MAGI2: variants seen among roughly 807,000 people sequenced by gnomAD.
MAGI2 encodes the protein membrane-associated guanylate kinase, WW and PDZ domain-containing protein 2.
In MAGI2, 35 loss-of-function variants were observed where a neutral mutation model predicts 133.3. The ratio of observed to expected loss-of-function variants is 0.26; its 90% CI spans 0.20 to 0.35. MAGI2 has a LOEUF of 0.35. Among genes scored for constraint, MAGI2 ranks in the 10% least tolerant of loss-of-function variants. The pLI is 1.00. For missense variants in MAGI2, 1,636 were observed against 1,863.4 expected (o/e 0.88, Z 2.25); for synonymous variants, 729 against 710.6 (o/e 1.03, Z -0.41).
At chr7:78,061,508 G>A (rs866927261) in intron 21 of MAGI2, among the ~76,000 whole-genome samples, 1 of 151,886 alleles carries the variant, frequency 6.6e-6, no homozygotes, top group South Asian at 2.1e-4. Context: ...AGGGTTGATG[G>A]CCCCTTAATT....
chr7:78,276,035 G>A (rs1562732944), intron 9 of MAGI2, among the ~76,000 whole-genome samples: 1 of 152,270 alleles, frequency 6.6e-6, no homozygotes, highest in East Asian at 1.9e-4. Context: ...TCAGGAAACT[G>A]ACAGAGAAAG....
intron 3 of MAGI2, among the ~76,000 whole-genome samples, chr7:78,565,503 T>C (rs1800856698): frequency 6.6e-6 from 1 of 151,666 alleles, no homozygotes. Context: ...AGAATTAATA[T>C]ATGTAAGATG....
rs1426073148 is a variant in MAGI2 at position 78,931,393 on chromosome 7, T to C, written c.418+75697A>G. Among the ~76,000 whole-genome samples, 4 of 152,104 alleles carry C rather than the reference T, an allele frequency of 2.6e-5. No individual in the cohort carries two copies. In the East Asian group the frequency reaches 7.7e-4, roughly 29 times the overall value. ...GGTTCCTTGCTCTCTTGAAGTTAGG[T>C]GTACTTCTTGGCAAAAGCATTTGAG... On this transcript the variant is annotated intron_variant, in intron 2 of 21. Transcript: ENST00000354212.
At chr7:79,254,438 A>G (rs1432673787) in intron 1 of MAGI2, among the ~76,000 whole-genome samples, 1 of 152,168 alleles carries the variant, frequency 6.6e-6, no homozygotes, top group Non-Finnish European at 1.5e-5. Context: ...AGGCCATCTT[A>G]CTGAATATGT....
intron 1 of MAGI2, among the ~76,000 whole-genome samples, chr7:79,070,431 C>T (rs1332557063): frequency 6.6e-6 from 1 of 150,600 alleles, no homozygotes; most frequent in African/African-American, 2.4e-5. Context: ...TCACAAAGTT[C>T]TCGTGTTGTG....
intron 1 of MAGI2, chr7:79,412,762 C>G (rs1310327675): frequency 6.6e-6 from 1 of 152,138 alleles, no homozygotes; most frequent in African/African-American, 2.4e-5. Flanking sequence ...GCCTCCTCAT[C>G]TGTATGTTGA....
chr7:79,191,273 C>T (rs10485934), intron 1 of MAGI2, among the ~76,000 whole-genome samples: 13,609 of 151,400 alleles, frequency 0.09, 1,541 homozygotes, highest in African/African-American at 0.25. Context: ...AAAGAGTTTA[C>T]ATATTTTCAA....
intron 20 of MAGI2, among the ~76,000 whole-genome samples, chr7:78,082,301 G>A (rs937105301): frequency 6.6e-6 from 1 of 152,180 alleles, no homozygotes; most frequent in Non-Finnish European, 1.5e-5. Flanking sequence ...TAGCCTGGAG[G>A]AGAGAAGCGG....
intron 6 of MAGI2, among the ~76,000 whole-genome samples, chr7:78,385,162 A>G (rs1795266244): frequency 6.6e-6 from 1 of 152,208 alleles, no homozygotes; most frequent in Non-Finnish European, 1.5e-5. Flanking sequence ...AGAAAAAGGA[A>G]GTAATCCACA....
chr7:79,237,547 T>C (rs1385418995), intron 1 of MAGI2, among the ~76,000 whole-genome samples: 1 of 152,160 alleles, frequency 6.6e-6, no homozygotes. Context: ...TAATCCTCAA[T>C]GCAGAGAGAT....
At chr7:79,099,785 G>A (rs1450511827) in intron 1 of MAGI2, among the ~76,000 whole-genome samples, 4 of 152,152 alleles carry the variant, frequency 2.6e-5, no homozygotes, top group African/African-American at 9.7e-5. Flanking sequence ...CTCCATCCAT[G>A]TTGATGCAAA....
At chr7:79,229,466 T>C (rs745773811) in intron 1 of MAGI2, among the ~76,000 whole-genome samples, 3 of 152,156 alleles carry the variant, frequency 2.0e-5, no homozygotes, top group African/African-American at 4.8e-5. Context: ...CATTTTCAGA[T>C]TGGCTTCAGC....
chr7:78,620,453 A>T (rs1014509573), intron 3 of MAGI2, among the ~76,000 whole-genome samples: 3 of 152,006 alleles, frequency 2.0e-5, no homozygotes, highest in African/African-American at 4.8e-5. Context: ...CTAGAAAATT[A>T]TTTGTATTTA....
intron 1 of MAGI2, among the ~76,000 whole-genome samples, chr7:79,391,841 A>G (rs1257614211): frequency 2.6e-5 from 4 of 151,266 alleles, no homozygotes; most frequent in Non-Finnish European, 5.9e-5. Context: ...ACGCCACCAC[A>G]CCCGGCTAAT....
chr7:78,936,806 T>C (rs557645775), intron 2 of MAGI2, among the ~76,000 whole-genome samples: 4 of 152,178 alleles, frequency 2.6e-5, no homozygotes, highest in East Asian at 3.9e-4. Flanking sequence ...AGAATAACTA[T>C]GGTGTTGGAT....
chr7:78,467,296 C>G (rs1001057384), intron 6 of MAGI2, among the ~76,000 whole-genome samples: 1 of 152,108 alleles, frequency 6.6e-6, no homozygotes, highest in African/African-American at 2.4e-5. Flanking sequence ...ACAGCTATGC[C>G]TTGGCCCCTG....
intron 2 of MAGI2, among the ~76,000 whole-genome samples, chr7:78,969,718 T>C (rs1278931423): frequency 1.3e-5 from 2 of 152,062 alleles, no homozygotes; most frequent in Non-Finnish European, 2.9e-5. Flanking sequence ...ATTTAACACG[T>C]TAAATGATTT....
intron 10 of MAGI2, among the ~76,000 whole-genome samples, chr7:78,247,336 T>C (rs1791904279): frequency 6.6e-6 from 1 of 152,152 alleles, no homozygotes; most frequent in Admixed American, 6.5e-5. Flanking sequence ...TACCACTGAA[T>C]ATACTTGGAA....
At chr7:79,171,770 A>ATATATATATATTTTTTTTTTTTT in intron 1 of MAGI2, among the ~76,000 whole-genome samples, 9 of 31,214 alleles carry the variant, frequency 2.9e-4, no homozygotes, top group Admixed American at 4.0e-4. Flanking sequence ...ATATATATAT[A>ATATATATATATTTTTTTTTTTTT]TTTTTTTTTT....
Sources: allele counts gnomAD v4.1 joint callset (sites outside exome capture counted in the v4.1 genomes callset), GRCh38; gene constraint gnomAD v4.1.1; transcripts MANE v1.5; gene names NCBI Gene and HGNC (gene_info 2026-07-23, HGNC 2026-07-21).